The following SCAPER variants were observed in gnomAD, a reference collection of about 807,000 sequenced individuals.
The protein encoded by SCAPER is S phase cyclin A-associated protein in the endoplasmic reticulum.
Under a neutral mutation model 182.2 loss-of-function variants are expected in SCAPER, and 98 were observed. The observed-to-expected ratio is 0.54, with a 90% CI of 0.46 to 0.64. SCAPER has a LOEUF of 0.64. Ranked by LOEUF, SCAPER falls within the 30% of genes least tolerant of loss-of-function variation. SCAPER has a pLI of 0.00. For missense variants in SCAPER, 1,432 were observed against 1,690.0 expected (o/e 0.85, Z 2.68); for synonymous variants, 605 against 564.6 (o/e 1.07, Z -1.01).
chr15:76,733,156 C>T (rs1382877880), intron 16 of SCAPER, 73 bp downstream of exon 16: 2 of 1,406,566 alleles, frequency 1.4e-6, no homozygotes, highest in Non-Finnish European at 1.9e-6. Context: ...GAAAAACCCA[C>T]CGACCCTGCG....
intron 17 of SCAPER, among the ~76,000 whole-genome samples, chr15:76,708,078 A>T (rs2059356696): frequency 6.6e-6 from 1 of 152,126 alleles, no homozygotes; most frequent in Non-Finnish European, 1.5e-5. Flanking sequence ...CCCCCACCAT[A>T]CCAAAATCTG....
At chr15:76,390,569 G>T (rs930275143) in intron 27 of SCAPER, among the ~76,000 whole-genome samples, 9 of 152,274 alleles carry the variant, frequency 5.9e-5, no homozygotes, top group Middle Eastern at 3.4e-3. Flanking sequence ...GAGAAGGCAG[G>T]CAGCTCTGGG....
At chr15:76,635,877 T>A (rs190047834) in intron 21 of SCAPER, among the ~76,000 whole-genome samples, 1 of 152,340 alleles carries the variant, frequency 6.6e-6, no homozygotes, top group Non-Finnish European at 1.5e-5. Context: ...CTTTTTTCTA[T>A]GTCAACTACC....
intron 17 of SCAPER, among the ~76,000 whole-genome samples, chr15:76,707,891 G>C (rs563684828): frequency 2.7e-4 from 41 of 151,496 alleles, no homozygotes; most frequent in African/African-American, 8.7e-4. Context: ...ATCATACAAA[G>C]TACATTCTTC....
At chr15:76,581,712 A>T (rs559200967) in intron 22 of SCAPER, among the ~76,000 whole-genome samples, 1 of 152,024 alleles carries the variant, frequency 6.6e-6, no homozygotes, top group African/African-American at 2.4e-5. Flanking sequence ...TCACCTCCTG[A>T]CTAGCTGGAA....
intron 25 of SCAPER, among the ~76,000 whole-genome samples, chr15:76,440,964 C>G (rs1250525092): frequency 4.4e-5 from 6 of 134,938 alleles, no homozygotes; most frequent in Non-Finnish European, 9.1e-5. Flanking sequence ...CTCTGTCGCC[C>G]AGGCTGGGGT....
chr15:76,650,717 A>G (rs574251852), intron 21 of SCAPER, among the ~76,000 whole-genome samples: 63 of 152,254 alleles, frequency 4.1e-4, no homozygotes, highest in Admixed American at 8.5e-4. Flanking sequence ...TAAGCACAAT[A>G]TAAGTGCATT....
intron 25 of SCAPER, among the ~76,000 whole-genome samples, chr15:76,436,704 T>A (rs774642459): frequency 6.6e-6 from 1 of 152,146 alleles, no homozygotes; most frequent in Admixed American, 6.5e-5. Context: ...CTCAAATATG[T>A]AGTAATCTTG....
chr15:76,591,597 G>A (rs142625227), intron 22 of SCAPER, among the ~76,000 whole-genome samples: 209 of 152,256 alleles, frequency 1.4e-3, no homozygotes, highest in African/African-American at 5.0e-3. Flanking sequence ...GAGTAGCTGG[G>A]ATTACTGGCA....
intron 23 of SCAPER, among the ~76,000 whole-genome samples, chr15:76,541,573 G>A (rs2044756447): frequency 6.6e-6 from 1 of 152,168 alleles, no homozygotes. Context: ...TCCTTGACTT[G>A]CTAGTTAACA....
chr15:76,635,641 C>T (rs2053528438), intron 21 of SCAPER, among the ~76,000 whole-genome samples: 1 of 152,176 alleles, frequency 6.6e-6, no homozygotes, highest in African/African-American at 2.4e-5. Flanking sequence ...TCTTCCTGAT[C>T]TTAGGGGGAA....
At chr15:76,383,638 T>C (rs1305065200) in intron 27 of SCAPER, among the ~76,000 whole-genome samples, 1 of 152,264 alleles carries the variant, frequency 6.6e-6, no homozygotes, top group Non-Finnish European at 1.5e-5. Flanking sequence ...ATCCTGTCAT[T>C]GTGCACATGA....
intron 23 of SCAPER, among the ~76,000 whole-genome samples, chr15:76,547,760 A>G (rs2045420144): frequency 6.6e-6 from 1 of 152,162 alleles, no homozygotes; most frequent in Non-Finnish European, 1.5e-5. Context: ...ATGCATACAC[A>G]GGTCAAACCA....
intron 15 of SCAPER, among the ~76,000 whole-genome samples, chr15:76,752,825 G>A (rs931375207): frequency 4.0e-5 from 6 of 151,466 alleles, no homozygotes; most frequent in African/African-American, 1.5e-4. Flanking sequence ...TAACATGAAT[G>A]CATTAAAACC....
intron 27 of SCAPER, among the ~76,000 whole-genome samples, chr15:76,391,934 C>A (rs1443987111): frequency 6.6e-6 from 1 of 152,130 alleles, no homozygotes; most frequent in Non-Finnish European, 1.5e-5. Context: ...TCAAATAGGA[C>A]TGGATTGGAT....
At chr15:76,556,094 C>T (rs2046175288) in intron 23 of SCAPER, among the ~76,000 whole-genome samples, 2 of 152,136 alleles carry the variant, frequency 1.3e-5, no homozygotes, top group South Asian at 2.1e-4. Context: ...AAACCATATA[C>T]ATAGTACATG....
chr15:76,412,698 T>C (rs1297793642), intron 26 of SCAPER, among the ~76,000 whole-genome samples: 2 of 152,178 alleles, frequency 1.3e-5, no homozygotes, highest in Non-Finnish European at 2.9e-5. Context: ...ATTATTCTTT[T>C]TCAAAATTGT....
At chr15:76,586,229 T>TA (rs1365042708) in intron 22 of SCAPER, among the ~76,000 whole-genome samples, 2 of 152,050 alleles carry the variant, frequency 1.3e-5, no homozygotes, top group African/African-American at 2.4e-5. Flanking sequence ...TGTAAAAGTG[T>TA]AAAAAAAGAT....
rs150558766 is a variant in SCAPER, at chr15:76,795,219, A to G, written c.772+61T>C. On this transcript the variant is annotated intron_variant, in intron 8 of 31. Transcript: ENST00000563290. ...ATAAATAGGACCAATTTTAAACAAA[A>G]TAAGTATCTCTATATATCCACCTGT... The G allele has an allele frequency of 1.3e-3, 1,899 of 1,430,136 alleles. 4 individuals are homozygous for G. Among genetic ancestry groups the G allele is most frequent in the East Asian group, 5.7e-3 (239 of 41,626 alleles). The allele number at this position is 1,430,136 out of a possible 1,614,324, so 88.6% of individuals were successfully genotyped here.
Sources: allele counts gnomAD v4.1 joint callset (sites outside exome capture counted in the v4.1 genomes callset), GRCh38; gene constraint gnomAD v4.1.1; transcripts MANE v1.5; gene names NCBI Gene and HGNC (gene_info 2026-07-23, HGNC 2026-07-21).